The following FAM222A variants were observed in gnomAD, a reference collection of about 807,000 sequenced individuals.
The protein encoded by FAM222A is family with sequence similarity 222 member A, also known as protein FAM222A.
A neutral mutation model predicts 25.8 loss-of-function variants in FAM222A; 7 were observed. That is an observed-to-expected ratio of 0.27 (90% CI 0.15 to 0.51). The LOEUF (loss-of-function observed/expected upper bound fraction) is 0.51. Ranked by LOEUF, FAM222A falls within the 20% of genes least tolerant of loss-of-function variation. The pLI is 0.97. For synonymous variants in FAM222A, 294 were observed against 298.8 expected, an observed-to-expected ratio of 0.98 and a Z score of 0.17; for missense variants, 573 against 640.5, an observed-to-expected ratio of 0.89 and a Z score of 1.14.
chr12:109,763,235 A>C (rs917009770), intron 2 of FAM222A, among the ~76,000 whole-genome samples: 22 of 152,136 alleles, frequency 1.4e-4, no homozygotes, highest in African/African-American at 4.8e-4. Context: ...TCTCAGCTCC[A>C]CCCTTTGCTG....
chr12:109,731,796 C>T (rs1887954319), intron 1 of FAM222A, among the ~76,000 whole-genome samples: 1 of 152,122 alleles, frequency 6.6e-6, no homozygotes. Flanking sequence ...GTTGAGGTGG[C>T]AAACTACAGT....
chr12:109,759,162 C>G (rs757570244), intron 2 of FAM222A, among the ~76,000 whole-genome samples: 2 of 152,218 alleles, frequency 1.3e-5, no homozygotes, highest in Non-Finnish European at 2.9e-5. Context: ...AGTCTCCTGA[C>G]TGCCACTCCC....
In FAM222A at chr12:109,769,128, C is replaced by T. The variant is rs1258317526; in HGVS notation, c.1199C>T (p.Ser400Leu). Residue 400 changes from serine to leucine, a missense_variant, in exon 3 of 3, where the codon TCG (serine) becomes TTG (leucine). By Grantham distance (145) the Ser-to-Leu change is moderately radical. Transcript: ENST00000538780. ...CCCAGCAAGAGTGTGTGCAACACAT[C>T]GGTGCTGAGCAGCAGCCTGCAGTCA... ...GLPSKSVCNT[S>L]VLSSSLQSLE... 4 of 1,611,856 alleles carry T rather than the reference C, an allele frequency of 2.5e-6. No individual in the cohort carries two copies. Among genetic ancestry groups the T allele is most frequent in the Middle Eastern group, 1.6e-4 (1 of 6,078 alleles).
intron 1 of FAM222A, among the ~76,000 whole-genome samples, chr12:109,732,333 A>G (rs1175353931): frequency 2.0e-5 from 3 of 152,254 alleles, no homozygotes; most frequent in African/African-American, 7.2e-5. Flanking sequence ...ACTGCCCAGA[A>G]CTAGCACTTG....
intron 1 of FAM222A, among the ~76,000 whole-genome samples, chr12:109,724,027 G>A (rs930701240): frequency 6.6e-6 from 1 of 152,206 alleles, no homozygotes; most frequent in Non-Finnish European, 1.5e-5. Context: ...GCACAGAGCT[G>A]GGACCCATCC....
At chr12:109,729,495 C>T (rs889415719) in intron 1 of FAM222A, among the ~76,000 whole-genome samples, 10 of 152,238 alleles carry the variant, frequency 6.6e-5, no homozygotes, top group African/African-American at 2.2e-4. Flanking sequence ...AGGGCCTGAG[C>T]CCCACGAGGG....
intron 1 of FAM222A, chr12:109,743,895 G>A: frequency 2.0e-6 from 2 of 985,436 alleles, no homozygotes; most frequent in Non-Finnish European, 2.4e-6. Flanking sequence ...CAAGAGCCCT[G>A]GATTCTGTCC....
intron 2 of FAM222A, among the ~76,000 whole-genome samples, chr12:109,756,342 A>G (rs895722641): frequency 2.0e-5 from 3 of 149,838 alleles, no homozygotes; most frequent in Non-Finnish European, 4.4e-5. Context: ...TGTATACAAG[A>G]TAATGTCATC....
chr12:109,730,183 C>T (rs1254531719), intron 1 of FAM222A, among the ~76,000 whole-genome samples: 1 of 152,246 alleles, frequency 6.6e-6, no homozygotes, highest in Non-Finnish European at 1.5e-5. Flanking sequence ...CCTTACCCTA[C>T]AGGCCGAGGG....
At chr12:109,718,004 CTG>C (rs1305385673) in intron 1 of FAM222A, among the ~76,000 whole-genome samples, 1 of 152,194 alleles carries the variant, frequency 6.6e-6, no homozygotes, top group Non-Finnish European at 1.5e-5. Context: ...CGCTTGCAGG[CTG>C]TGTGACCTCG....
chr12:109,730,320 TA>T (rs1887923045), intron 1 of FAM222A, among the ~76,000 whole-genome samples: 1 of 146,134 alleles, frequency 6.8e-6, no homozygotes, highest in African/African-American at 2.5e-5. Flanking sequence ...CCCCCCCTGC[TA>T]AAATGGAATA....
chr12:109,751,413 TA>T (rs1425390629), intron 2 of FAM222A, among the ~76,000 whole-genome samples: 2 of 152,234 alleles, frequency 1.3e-5, no homozygotes, highest in African/African-American at 4.8e-5. Context: ...TTTTTTAGTA[TA>T]TTTTTTATTA....
intron 1 of FAM222A, among the ~76,000 whole-genome samples, chr12:109,739,681 C>T (rs1002137540): frequency 2.0e-5 from 3 of 152,208 alleles, no homozygotes; most frequent in Non-Finnish European, 4.4e-5. Context: ...ACCCTTGCTT[C>T]CATCCCTCCC....
At chr12:109,756,397 T>TGC (rs1888728635) in intron 2 of FAM222A, among the ~76,000 whole-genome samples, 2 of 150,176 alleles carry the variant, frequency 1.3e-5, no homozygotes, top group African/African-American at 4.9e-5. Context: ...GAATGCTTTT[T>TGC]TTTTTTTTTT....
chr12:109,766,906 ATTTTTTTG>A (rs1240796985), intron 2 of FAM222A, among the ~76,000 whole-genome samples: 37 of 151,788 alleles, frequency 2.4e-4, no homozygotes, highest in African/African-American at 8.5e-4. Flanking sequence ...ATTTACTTTT[ATTTTTTTG>A]AGACAAGGTC....
intron 2 of FAM222A, among the ~76,000 whole-genome samples, chr12:109,753,181 A>T (rs1565843757): frequency 6.6e-6 from 1 of 152,162 alleles, no homozygotes; most frequent in Non-Finnish European, 1.5e-5. Flanking sequence ...TTACTCAGGG[A>T]CTGGGCCTCG....
chr12:109,720,259 G>A (rs759928580), intron 1 of FAM222A: 21 of 881,606 alleles, frequency 2.4e-5, no homozygotes, highest in Non-Finnish European at 2.7e-5. Flanking sequence ...GGGTGAGGCC[G>A]AGACTAGCTG....
intron 2 of FAM222A, among the ~76,000 whole-genome samples, chr12:109,751,217 T>C (rs537286926): frequency 7.5e-6 from 1 of 133,032 alleles, no homozygotes; most frequent in South Asian, 2.2e-4. Context: ...GACAGTATGA[T>C]TTTTTTTTCT....
At chr12:109,717,118 C>T (rs1887660545) in intron 1 of FAM222A, among the ~76,000 whole-genome samples, 1 of 152,218 alleles carries the variant, frequency 6.6e-6, no homozygotes, top group African/African-American at 2.4e-5. Context: ...CAGAGGCTAT[C>T]AGCCATGGAG....
Sources: gnomAD v4.1 joint callset for allele counts (sites outside exome capture counted in the v4.1 genomes callset) on GRCh38, gnomAD v4.1.1 for gene constraint, MANE v1.5 for transcripts, NCBI Gene and HGNC (gene_info 2026-07-23, HGNC 2026-07-21) for gene names.